Variants in SPG11 observed in about 807,000 individuals in gnomAD.
SPG11 encodes the protein spatacsin.
SPG11 carries 222 observed loss-of-function variants against 274.0 expected under a neutral mutation model. That is an observed-to-expected ratio of 0.81 (90% confidence interval 0.73 to 0.91). The LOEUF is 0.91. Among genes scored for constraint, SPG11 ranks in the 40% least tolerant of loss-of-function variants. The pLI, the probability that SPG11 is intolerant of heterozygous loss-of-function variation, is 0.00. For missense variants in SPG11, 3,114 were observed against 2,872.7 expected, an observed-to-expected ratio of 1.08 and a Z score of -1.92; for synonymous variants, 1,144 against 1,039.7, an observed-to-expected ratio of 1.10 and a Z score of -1.93.
At chr15:44,583,458 C>T (rs2082694500) in intron 30 of SPG11, among the ~76,000 whole-genome samples, 1 of 151,274 alleles carries the variant, frequency 6.6e-6, no homozygotes, top group South Asian at 2.1e-4. Context: ...AACACCATCT[C>T]AAAAAACAAA....
chr15:44,645,059 T>C (rs921107768), intron 7 of SPG11, among the ~76,000 whole-genome samples: 2 of 152,184 alleles, frequency 1.3e-5, no homozygotes, highest in Non-Finnish European at 2.9e-5. Flanking sequence ...TTCACAGAAT[T>C]AGAAATAACT....
intron 6 of SPG11, among the ~76,000 whole-genome samples, chr15:44,650,622 C>T (rs1181090632): frequency 1.4e-5 from 2 of 146,330 alleles, no homozygotes; most frequent in African/African-American, 5.2e-5. Context: ...TGACACTCTG[C>T]CTAAAAAAAA....
At chr15:44,654,817 C>A (rs1487692438) in intron 4 of SPG11, among the ~76,000 whole-genome samples, 2 of 150,848 alleles carry the variant, frequency 1.3e-5, no homozygotes. Context: ...TCCCGGACAA[C>A]AAGAGCGAAA....
intron 24 of SPG11, 102 bp from the exon 25 acceptor site, chr15:44,596,457 C>T: frequency 1.5e-6 from 2 of 1,311,486 alleles, no homozygotes; most frequent in Non-Finnish European, 2.2e-6. Context: ...CTTTCTCACC[C>T]TGAACTAAGT....
rs953055404 is a variant in SPG11, at chr15:44,562,852, A to C, written c.*269T>G. 2.2e-5 allele frequency: 9 copies of C among 418,526 alleles called. No homozygotes were observed. Among genetic ancestry groups the C allele is most frequent in the African/African-American group, 1.6e-4 (8 of 49,952 alleles). The allele number at this position is 418,526 out of a possible 1,614,324, so 25.9% of individuals were successfully genotyped here. On this transcript the variant is annotated 3_prime_UTR_variant, in exon 40 of 40. Coordinates refer to ENST00000261866, the MANE Select transcript of SPG11 (RefSeq NM_025137.4). The stretch of plus-strand genomic sequence containing the variant: ...ATCATTATTGGATCATCTAAAGTAG[A>C]AGCTGTCCTGAGGAAGAGGAAGCTT...
rs765788274 is a variant in SPG11, at chr15:44,598,762, C to T, written c.3761G>A (p.Cys1254Tyr). ...SFHIPSIGAACVCFLELLGLD... is the reference protein window; with the variant it reads ...SFHIPSIGAAYVCFLELLGLD... Reference sequence around the variant, plus strand: ...GCCAAGCAATTCTAAGAAACAAACACATGCAGCTCCTATTGAAGGTATGTG... The same window carrying T: ...GCCAAGCAATTCTAAGAAACAAACATATGCAGCTCCTATTGAAGGTATGTG... The change falls in exon 22 of 40, where the codon TGT (cysteine) becomes TAT (tyrosine). Residue 1254 changes from cysteine (C) to tyrosine (Y), a missense_variant. Cys to Tyr is a radical substitution (Grantham distance 194). Coordinates refer to ENST00000261866, the MANE Select transcript of SPG11 (RefSeq NM_025137.4). 4 of 1,614,092 alleles carry T rather than the reference C, an allele frequency of 2.5e-6. No individual in the cohort carries two copies. In the African/African-American group the frequency reaches 4.0e-5, roughly 16 times the overall value.
intron 7 of SPG11, among the ~76,000 whole-genome samples, chr15:44,645,452 C>T (rs116582931): frequency 0.055 from 8,409 of 152,136 alleles, 602 homozygotes; most frequent in African/African-American, 0.16. Context: ...TCTTATACCA[C>T]ATACAAAAAT....
In SPG11 at chr15:44,632,746, C is replaced by CG. The variant is rs538080125; in HGVS notation, c.1735+758dup. On this transcript the variant is annotated intron_variant, in intron 8 of 39. Coordinates refer to ENST00000261866, the MANE Select transcript of SPG11 (RefSeq NM_025137.4). Reference sequence around the variant, plus strand: ...CTGGTCTCAAACTCCTAGACTCAAGCGATCCTCCCACCTTGGCCCCTAAAG... The same window carrying CG: ...CTGGTCTCAAACTCCTAGACTCAAGCGGATCCTCCCACCTTGGCCCCTAAAG... Among the ~76,000 whole-genome samples the CG allele has an allele frequency of 1.1e-4, 17 of 152,058 alleles. No homozygotes were observed. In the South Asian group the frequency reaches 3.3e-3, roughly 30 times the overall value.
At chr15:44,590,074 TG>T (rs1248977624) in intron 27 of SPG11, among the ~76,000 whole-genome samples, 1 of 152,242 alleles carries the variant, frequency 6.6e-6, no homozygotes, top group African/African-American at 2.4e-5. Flanking sequence ...CCCAAAGTGC[TG>T]GGATTACAGG....
In SPG11 at chr15:44,572,780, T is replaced by C. The variant is rs780876747; in HGVS notation, c.6246A>G (p.Thr2082=). The C allele has an allele frequency of 2.5e-6, 4 of 1,613,942 alleles. No individual in the cohort carries two copies. In the East Asian group the frequency reaches 6.7e-5, roughly 27 times the overall value. ...QMFNPTEESQ[T]FLQLTTLCQD... is the part of the protein sequence containing the mutation. ...GACACAGAGTGGTCAGCTGAAGAAA[T>C]GTCTGGCTTTCCTCTGTTGGGTTGA... Residue 2082 remains threonine, a synonymous_variant, in exon 33 of 40, where the codon ACA becomes ACG. Coordinates refer to ENST00000261866, the MANE Select transcript of SPG11 (RefSeq NM_025137.4).
intron 18 of SPG11, 102 bp downstream of exon 18, chr15:44,610,738 A>C: frequency 8.5e-7 from 1 of 1,179,954 alleles, no homozygotes; most frequent in Non-Finnish European, 1.2e-6. Context: ...GAAATACTTG[A>C]ATATAGTTAT....
chr15:44,572,305 A>G (rs1178024802), intron 33 of SPG11, among the ~76,000 whole-genome samples: 2 of 152,264 alleles, frequency 1.3e-5, no homozygotes, highest in African/African-American at 2.4e-5. Flanking sequence ...ATTATGGAAA[A>G]TAAACAGGCT....
At position 44,600,491 on chromosome 15, in the gene SPG11, A is replaced by G. The variant is rs756274932; in HGVS notation, c.3662T>C (p.Ile1221Thr). ...AFGTFLVQEL[I>T]KSKTPKQLIQ... ...CAGCTGCTTGGGAGTCTTGCTCTTG[A>G]TTAATTCCTGGACCAGAAAAGTACC... is the stretch of plus-strand genomic sequence containing the variant. The change falls in exon 21 of 40, where the codon ATC becomes ACC. Residue 1221 changes from isoleucine to threonine, a missense_variant. By Grantham distance (89) the Ile-to-Thr change is moderately conservative. Transcript: ENST00000261866. 6.2e-7 allele frequency: 1 copy of G among 1,614,096 alleles called. No homozygotes were observed. Among genetic ancestry groups the G allele is most frequent in the African/African-American group, 1.3e-5 (1 of 75,036 alleles).
At chr15:44,572,533 T>G in intron 33 of SPG11, 150 bp downstream of exon 33, 1 of 747,710 alleles carries the variant, frequency 1.3e-6, no homozygotes, top group South Asian at 1.6e-5. Flanking sequence ...TCAGTGAAGT[T>G]AAGGCTTTCT....
At chr15:44,570,728 G>A (rs2082406057) in intron 33 of SPG11, 70 bp from the exon 34 acceptor site, 1 of 1,576,378 alleles carries the variant, frequency 6.3e-7, no homozygotes. Flanking sequence ...CTGCCTGGCA[G>A]GAGGGAAAAA....
chr15:44,616,825 A>G (rs181340301), intron 15 of SPG11, among the ~76,000 whole-genome samples: 1 of 152,342 alleles, frequency 6.6e-6, no homozygotes, highest in African/African-American at 2.4e-5. Flanking sequence ...GTATCTAGAA[A>G]AATCCTTCTA....
intron 10 of SPG11, among the ~76,000 whole-genome samples, chr15:44,628,408 A>C (rs998277124): frequency 6.6e-6 from 1 of 152,246 alleles, no homozygotes; most frequent in Non-Finnish European, 1.5e-5. Flanking sequence ...ACATGGGTTT[A>C]GAGTTGGGTG....
intron 27 of SPG11, 142 bp downstream of exon 27, chr15:44,592,189 T>G (rs935230892): frequency 3.0e-6 from 2 of 660,550 alleles, no homozygotes; most frequent in East Asian, 5.6e-5. Context: ...AGCCCAGGAG[T>G]TCAAGGCTGT....
chr15:44,643,578 A>T lies in SPG11; in HGVS notation c.1602+5288T>A, dbSNP rs1235991180. On this transcript the variant is annotated intron_variant, in intron 7 of 39. Transcript: ENST00000261866. ...CTAACTGTAAGAGCTAAAACTATAA[A>T]AGTCTTGTAAGAATAAATCTGCACA... Among the ~76,000 whole-genome samples, 116 of 152,298 alleles carry T rather than the reference A, an allele frequency of 7.6e-4. 2 individuals carry two copies. The South Asian group carries it at 0.012, about 15-fold the overall frequency.
Sources: allele counts gnomAD v4.1 joint callset (sites outside exome capture counted in the v4.1 genomes callset), GRCh38; gene constraint gnomAD v4.1.1; transcripts MANE v1.5; gene names NCBI Gene and HGNC (gene_info 2026-07-23, HGNC 2026-07-21).